The following MALL variants were observed in gnomAD, a reference collection of about 807,000 sequenced individuals.
MALL encodes mal, T cell differentiation protein like, also known as MAL-like protein.
Under a neutral mutation model 10.3 loss-of-function variants are expected in MALL, and 2 were observed. The observed-to-expected ratio is 0.19, with a 90% confidence interval of 0.08 to 0.61. The LOEUF (loss-of-function observed/expected upper bound fraction) is 0.61, where lower values mean the gene tolerates loss of function less well. Ranked by LOEUF, MALL falls within the 20% of genes least tolerant of loss-of-function variation. MALL has a pLI of 0.88. For missense variants in MALL, 39 were observed against 115.2 expected (o/e 0.34, Z 3.03); for synonymous variants, 27 against 51.8 (o/e 0.52, Z 2.05).
chr2:110,108,112 A>G (rs2104391552), intron 1 of MALL, among the ~76,000 whole-genome samples: 1 of 152,280 alleles, frequency 6.6e-6, no homozygotes, highest in East Asian at 1.9e-4. Flanking sequence ...CCCTGGTAAT[A>G]TGACGAAACA....
intron 1 of MALL, among the ~76,000 whole-genome samples, chr2:110,099,630 A>G (rs1297778441): frequency 6.6e-6 from 1 of 152,152 alleles, no homozygotes; most frequent in East Asian, 1.9e-4. Context: ...CTCACCAGTA[A>G]GGGGATGTCA....
At chr2:110,106,865 C>T (rs770074441) in intron 1 of MALL, among the ~76,000 whole-genome samples, 33 of 152,254 alleles carry the variant, frequency 2.2e-4, no homozygotes, top group Middle Eastern at 6.8e-3. Flanking sequence ...AGCCAGACCA[C>T]GGAACGCTAC....
At chr2:110,104,344 G>T (rs1678641063) in intron 1 of MALL, among the ~76,000 whole-genome samples, 1 of 152,120 alleles carries the variant, frequency 6.6e-6, no homozygotes, top group African/African-American at 2.4e-5. Flanking sequence ...CACCTATCAT[G>T]GTTTCTGTTT....
At chr2:110,101,121 G>A (rs746290938) in intron 1 of MALL, among the ~76,000 whole-genome samples, 1 of 152,050 alleles carries the variant, frequency 6.6e-6, no homozygotes, top group Non-Finnish European at 1.5e-5. Context: ...TCCCACCCCC[G>A]TGTCACTGGC....
chr2:110,113,423 G>C (rs553228972), intron 1 of MALL, among the ~76,000 whole-genome samples: 1 of 123,978 alleles, frequency 8.1e-6, no homozygotes, highest in Admixed American at 9.6e-5. Context: ...GGACGACAGC[G>C]AGACTCTGTC....
At chr2:110,101,366 T>C (rs1678561055) in intron 1 of MALL, among the ~76,000 whole-genome samples, 1 of 152,022 alleles carries the variant, frequency 6.6e-6, no homozygotes, top group Admixed American at 6.5e-5. Context: ...TCCTGACTCA[T>C]GGAGGGAGAA....
intron 1 of MALL, among the ~76,000 whole-genome samples, chr2:110,092,665 A>G (rs755966004): frequency 8.3e-6 from 1 of 120,830 alleles, no homozygotes; most frequent in East Asian, 2.3e-4. Context: ...TGTAACAAAC[A>G]TGCACATTGT....
At chr2:110,101,184 A>G (rs1678556989) in intron 1 of MALL, among the ~76,000 whole-genome samples, 1 of 152,122 alleles carries the variant, frequency 6.6e-6, no homozygotes, top group African/African-American at 2.4e-5. Flanking sequence ...TGTGCTTCGA[A>G]TACAGGAGGA....
chr2:110,115,668 GT>G lies in MALL; in HGVS notation c.105+19del, dbSNP rs1323555354. 1 of 1,253,970 alleles carries G rather than the reference GT, an allele frequency of 8.0e-7. No homozygotes were observed. Among genetic ancestry groups the G allele is most frequent in the Non-Finnish European group, 1.0e-6 (1 of 987,948 alleles). 77.7% of individuals were successfully genotyped at this position (1,253,970 alleles called of 1,614,324 possible). On this transcript the variant is annotated intron_variant, in intron 1 of 3. Coordinates refer to ENST00000272462, the MANE Select transcript of MALL (RefSeq NM_005434.5). Reference sequence around the variant, plus strand: ...CCCTCCCTCTCTGCAGGTGGCCCGGGTCGGGGGTGCCGCACTCACCAGCTCG... The same window carrying G: ...CCCTCCCTCTCTGCAGGTGGCCCGGGCGGGGGTGCCGCACTCACCAGCTCG...
upstream of MALL, among the ~76,000 whole-genome samples, chr2:110,117,215 C>T (rs983337237): frequency 6.6e-6 from 1 of 152,102 alleles, no homozygotes. Context: ...TTAATCCAAG[C>T]AAAGGAGAGA....
At chr2:110,100,477 C>A (rs113150433) in intron 1 of MALL, among the ~76,000 whole-genome samples, 21 of 150,732 alleles carry the variant, frequency 1.4e-4, no homozygotes, top group African/African-American at 3.2e-4. Context: ...TGTCCCCCAC[C>A]CTAAAAAAAA....
chr2:110,099,847 C>T (rs967083339), intron 1 of MALL, among the ~76,000 whole-genome samples: 1 of 152,118 alleles, frequency 6.6e-6, no homozygotes, highest in Non-Finnish European at 1.5e-5. Context: ...GAGCCTGCAT[C>T]CCAGATGACA....
upstream of MALL, chr2:110,116,144 C>A: frequency 4.5e-6 from 1 of 224,450 alleles, no homozygotes; most frequent in Non-Finnish European, 8.7e-6. Flanking sequence ...TAGGCCCAAG[C>A]TGCTTGGCTA....
At chr2:110,104,192 C>T (rs1235275738) in intron 1 of MALL, among the ~76,000 whole-genome samples, 1 of 152,260 alleles carries the variant, frequency 6.6e-6, no homozygotes, top group African/African-American at 2.4e-5. Flanking sequence ...ATCGCTGCCC[C>T]TCTGTCCCTG....
chr2:110,106,736 A>G (rs1049603856), intron 1 of MALL, among the ~76,000 whole-genome samples: 4 of 152,084 alleles, frequency 2.6e-5, no homozygotes, highest in Non-Finnish European at 5.9e-5. Flanking sequence ...AGAACTGAGC[A>G]TTACCCCCAC....
At chr2:110,103,413 A>G (rs1482258956) in intron 1 of MALL, among the ~76,000 whole-genome samples, 1 of 151,998 alleles carries the variant, frequency 6.6e-6, no homozygotes, top group Non-Finnish European at 1.5e-5. Context: ...GGCTGGAAAG[A>G]GATGAGGGGG....
chr2:110,110,764 A>G (rs1163893649), intron 1 of MALL, among the ~76,000 whole-genome samples: 1 of 152,112 alleles, frequency 6.6e-6, no homozygotes. Flanking sequence ...GGACGTAACC[A>G]AAAAAGAAAA....
intron 1 of MALL, among the ~76,000 whole-genome samples, chr2:110,112,752 G>T (rs1028038569): frequency 1.3e-5 from 2 of 151,882 alleles, no homozygotes; most frequent in Admixed American, 1.3e-4. Context: ...CAGAGGAAAA[G>T]AAGTCATTAT....
intron 1 of MALL, among the ~76,000 whole-genome samples, chr2:110,105,316 G>T (rs1330031377): frequency 6.6e-6 from 1 of 152,188 alleles, no homozygotes; most frequent in African/African-American, 2.4e-5. Flanking sequence ...CTGTCCCATG[G>T]CCCTTTTCAT....
Sources: allele counts gnomAD v4.1 joint callset (sites outside exome capture counted in the v4.1 genomes callset), GRCh38; gene constraint gnomAD v4.1.1; transcripts MANE v1.5; gene names NCBI Gene and HGNC (gene_info 2026-07-23, HGNC 2026-07-21).